The following COL24A1 variants were observed in gnomAD, a reference collection of about 807,000 sequenced individuals.
COL24A1 encodes collagen type XXIV alpha 1 chain.
A neutral mutation model predicts 253.9 loss-of-function variants in COL24A1; 224 were observed. The ratio of observed to expected loss-of-function variants is 0.88; its 90% CI spans 0.79 to 0.99. The LOEUF is 0.99. Ranked by LOEUF, COL24A1 falls within the 50% of genes least tolerant of loss-of-function variation. The pLI, the probability that COL24A1 is intolerant of heterozygous loss-of-function variation, is 0.00. For synonymous variants in COL24A1, 685 were observed against 673.7 expected, an observed-to-expected ratio of 1.02 and a Z score of -0.26; for missense variants, 2,131 against 2,068.5, an observed-to-expected ratio of 1.03 and a Z score of -0.59.
At chr1:85,776,426 T>C (rs1668549506) in intron 52 of COL24A1, among the ~76,000 whole-genome samples, 1 of 152,066 alleles carries the variant, frequency 6.6e-6, no homozygotes, top group Admixed American at 6.6e-5. Flanking sequence ...TGGGTGGACC[T>C]ACTGCTTTTA....
At chr1:86,056,234 C>T (rs1700654156) in intron 10 of COL24A1, among the ~76,000 whole-genome samples, 2 of 152,068 alleles carry the variant, frequency 1.3e-5, no homozygotes, top group South Asian at 2.1e-4. Flanking sequence ...ATAAAAAGTA[C>T]ATGACTTTTC....
At chr1:85,889,731 CT>C (rs367651086) in intron 31 of COL24A1, 118 bp from the exon 32 acceptor site, 130,922 of 590,810 alleles carry the variant, frequency 0.22, 1 homozygote, top group South Asian at 0.27. Context: ...TATTGCTATT[CT>C]TTTTTTTTTT....
At chr1:85,879,676 T>C (rs1242712330) in intron 32 of COL24A1, among the ~76,000 whole-genome samples, 1 of 152,206 alleles carries the variant, frequency 6.6e-6, no homozygotes. Context: ...TATACTGTAT[T>C]TTAAAGTAAG....
chr1:86,008,492 G>A (rs984536521), intron 19 of COL24A1, among the ~76,000 whole-genome samples: 7 of 151,864 alleles, frequency 4.6e-5, no homozygotes, highest in African/African-American at 1.5e-4. Context: ...AGCAATCCCC[G>A]GCCTATTTCT....
chr1:86,023,901 C>T (rs189239062), intron 14 of COL24A1, among the ~76,000 whole-genome samples: 3 of 152,128 alleles, frequency 2.0e-5, no homozygotes, highest in East Asian at 3.9e-4. Context: ...TTCCTTACTA[C>T]TCTTTATAAT....
At chr1:85,963,086 T>C (rs1250931544) in intron 23 of COL24A1, among the ~76,000 whole-genome samples, 2 of 152,180 alleles carry the variant, frequency 1.3e-5, no homozygotes, top group Admixed American at 6.6e-5. Flanking sequence ...TTCTTTTCAC[T>C]ATCTAATGTG....
At chr1:85,950,439 G>C (rs1242260939) in intron 24 of COL24A1, among the ~76,000 whole-genome samples, 1 of 152,192 alleles carries the variant, frequency 6.6e-6, no homozygotes, top group Non-Finnish European at 1.5e-5. Context: ...GGTAACTGGA[G>C]AGTGTGGTAC....
intron 24 of COL24A1, among the ~76,000 whole-genome samples, chr1:85,957,642 A>T (rs1690603930): frequency 6.6e-6 from 1 of 152,174 alleles, no homozygotes; most frequent in Non-Finnish European, 1.5e-5. Flanking sequence ...TCTTCCAAAT[A>T]TATCCACTTC....
chr1:85,974,492 T>C (rs1401078864), intron 20 of COL24A1, among the ~76,000 whole-genome samples: 9 of 152,112 alleles, frequency 5.9e-5, no homozygotes, highest in Non-Finnish European at 1.3e-4. Flanking sequence ...CTGAAGAATA[T>C]GCATAGTAGA....
At chr1:85,877,261 A>G in intron 32 of COL24A1, 86 bp from the exon 33 acceptor site, 1 of 802,242 alleles carries the variant, frequency 1.2e-6, no homozygotes, top group Non-Finnish European at 1.9e-6. Context: ...GTTTTATAAT[A>G]TAACACATAA....
chr1:85,754,632 T>TAGAAAAAAG (rs1666013777), intron 55 of COL24A1, among the ~76,000 whole-genome samples: 1 of 147,520 alleles, frequency 6.8e-6, no homozygotes, highest in East Asian at 2.0e-4. Flanking sequence ...ACATAAATTA[T>TAGAAAAAAG]AGAAAAAAGA....
chr1:85,870,842 A>C (rs369161615), intron 35 of COL24A1, among the ~76,000 whole-genome samples: 1 of 152,320 alleles, frequency 6.6e-6, no homozygotes, highest in South Asian at 2.1e-4. Context: ...AGAAACAACT[A>C]AGATCAGAGC....
At chr1:86,003,773 T>G (rs563229615) in intron 19 of COL24A1, among the ~76,000 whole-genome samples, 1 of 134,004 alleles carries the variant, frequency 7.5e-6, no homozygotes, top group Admixed American at 8.0e-5. Flanking sequence ...GTCAGGGGCC[T>G]GGGAGGAAAA....
At chr1:85,787,610 C>A (rs1669821065) in intron 47 of COL24A1, among the ~76,000 whole-genome samples, 1 of 152,160 alleles carries the variant, frequency 6.6e-6, no homozygotes, top group African/African-American at 2.4e-5. Context: ...TCCAGTCTAT[C>A]ATTGATGGGC....
intron 21 of COL24A1, among the ~76,000 whole-genome samples, chr1:85,970,737 T>C (rs1692076373): frequency 6.6e-6 from 1 of 152,204 alleles, no homozygotes; most frequent in Admixed American, 6.5e-5. Flanking sequence ...TAAAATATAA[T>C]TTATTGGTTC....
chr1:85,771,810 T>TTTATTTA (rs1558061145), intron 53 of COL24A1, among the ~76,000 whole-genome samples: 2 of 75,920 alleles, frequency 2.6e-5, no homozygotes, highest in African/African-American at 8.6e-5. Flanking sequence ...TTATTTATTT[T>TTTATTTA]TATTATACTT....
Position 86,107,508 on chromosome 1 carries a change from AATTTATTTATTTATTTATTT to A in COL24A1, c.1599+5039_1599+5058del, listed in dbSNP as rs57193756. On this transcript the variant is annotated intron_variant, in intron 5 of 59. Transcript: ENST00000370571. Reference sequence around the variant, plus strand: ...TATGATACATTTGTGACACAATGGTAATTTATTTATTTATTTATTTATTTATTTATTTATTTATTTATTTA... The same window carrying A: ...TATGATACATTTGTGACACAATGGTAATTTATTTATTTATTTATTTATTTA... 2.7e-3 allele frequency among the ~76,000 whole-genome samples: 394 copies of A among 145,144 alleles called. 3 individuals carry two copies. The highest frequency in any genetic ancestry group is 3.5e-3 in the Non-Finnish European group (235 of 66,460).
rs565453601 is a variant in COL24A1, at chr1:86,032,309, G to T, written c.2005-387C>A. 1.6e-3 allele frequency among the ~76,000 whole-genome samples: 247 copies of T among 152,032 alleles called. 1 individual carries two copies. Among genetic ancestry groups the T allele is most frequent in the African/African-American group, 5.6e-3 (233 of 41,476 alleles). On this transcript the variant is annotated intron_variant, in intron 13 of 59. Transcript: ENST00000370571. ...TAGGGTTAGAAAAACATTTTCAGACGGTTTAAAACACTATGGACTCTTTTG... is the reference window on the plus strand; with the variant it reads ...TAGGGTTAGAAAAACATTTTCAGACTGTTTAAAACACTATGGACTCTTTTG...
intron 47 of COL24A1, among the ~76,000 whole-genome samples, chr1:85,793,114 C>T (rs1670466752): frequency 6.6e-6 from 1 of 151,830 alleles, no homozygotes; most frequent in Non-Finnish European, 1.5e-5. Flanking sequence ...TATGTCATCA[C>T]ATATTTTATT....
Sources: allele counts gnomAD v4.1 joint callset (sites outside exome capture counted in the v4.1 genomes callset), GRCh38; gene constraint gnomAD v4.1.1; transcripts MANE v1.5; gene names NCBI Gene and HGNC (gene_info 2026-07-23, HGNC 2026-07-21).